Variants in FAM162A observed in about 807,000 individuals in gnomAD.
FAM162A encodes protein FAM162A.
Under a neutral mutation model 21.8 loss-of-function variants are expected in FAM162A, and 23 were observed. That is an observed-to-expected ratio of 1.05 (90% CI 0.76 to 1.49). FAM162A has a LOEUF of 1.49. FAM162A is among the 40% of genes most tolerant of loss of function. FAM162A has a pLI of 0.00. For synonymous variants in FAM162A, 53 were observed against 61.3 expected, an observed-to-expected ratio of 0.86 and a Z score of 0.64; for missense variants, 165 against 186.4, an observed-to-expected ratio of 0.89 and a Z score of 0.67.
At chr3:122,397,212 T>C (rs377053025) in intron 1 of FAM162A, among the ~76,000 whole-genome samples, 1 of 152,290 alleles carries the variant, frequency 6.6e-6, no homozygotes, top group African/African-American at 2.4e-5. Context: ...GATTTTTTTT[T>C]TTAACAGCAA....
chr3:122,406,895 G>A (rs1274173338), intron 3 of FAM162A, among the ~76,000 whole-genome samples: 1 of 152,082 alleles, frequency 6.6e-6, no homozygotes, highest in Non-Finnish European at 1.5e-5. Flanking sequence ...AGAACCTCAG[G>A]GAGAAATGAC....
In FAM162A at chr3:122,409,758, C is replaced by G; in HGVS notation, c.392C>G (p.Thr131Ser). The G allele has an allele frequency of 6.2e-7, 1 of 1,614,040 alleles. No individual in the cohort carries two copies. Among genetic ancestry groups the G allele is most frequent in the Non-Finnish European group, 8.5e-7 (1 of 1,179,968 alleles). Residue 131 changes from threonine (T) to serine (S), a missense_variant, in exon 5 of 5, where the codon ACT becomes AGT. Coordinates refer to ENST00000477892, the MANE Select transcript of FAM162A (RefSeq NM_014367.4). ...CTTTAGGCTGCCCAAAGACACGAGA[C>G]TTTAACAAGCTTGAACTTAGAAAAG... is the stretch of plus-strand genomic sequence containing the variant. ...EGKKAAQRHETLTSLNLEKKA... is the reference protein window; with the variant it reads ...EGKKAAQRHESLTSLNLEKKA...
chr3:122,387,578 T>G (rs1422839396), intron 1 of FAM162A, among the ~76,000 whole-genome samples: 1 of 152,250 alleles, frequency 6.6e-6, no homozygotes, highest in Non-Finnish European at 1.5e-5. Context: ...TCTACCACAT[T>G]CTGCTACCTT....
At chr3:122,404,229 TA>T in intron 2 of FAM162A, 28 bp from the exon 3 acceptor site, 2 of 1,167,574 alleles carry the variant, frequency 1.7e-6, no homozygotes, top group Non-Finnish European at 1.2e-6. Context: ...CTCAAACACA[TA>T]AAATTTCTTG....
At chr3:122,388,817 A>G (rs1394436277) in intron 1 of FAM162A, among the ~76,000 whole-genome samples, 1 of 152,204 alleles carries the variant, frequency 6.6e-6, no homozygotes, top group Non-Finnish European at 1.5e-5. Flanking sequence ...TGGGAGGCCG[A>G]GGTGGGCGGA....
chr3:122,402,948 A>G, intron 2 of FAM162A, 66 bp downstream of exon 2: 4 of 1,500,838 alleles, frequency 2.7e-6, no homozygotes, highest in East Asian at 2.3e-5. Flanking sequence ...CTTGGAATCA[A>G]AAGAACCCAA....
intron 1 of FAM162A, among the ~76,000 whole-genome samples, chr3:122,395,523 A>C (rs1304410836): frequency 2.0e-5 from 3 of 152,222 alleles, no homozygotes; most frequent in Non-Finnish European, 4.4e-5. Context: ...AACACTACTG[A>C]AAGAAATTAA....
rs1219251461 is a variant in FAM162A at position 122,393,878 on chromosome 3, C to T, written c.35-8882C>T. 3.9e-5 allele frequency among the ~76,000 whole-genome samples: 6 copies of T among 152,180 alleles called. No individual in the cohort carries two copies. The East Asian group carries it at 5.8e-4, about 15-fold the overall frequency. On this transcript the variant is annotated intron_variant, in intron 1 of 4. Coordinates refer to ENST00000477892, the MANE Select transcript of FAM162A (RefSeq NM_014367.4). ...TCTCACCTCACATTTAGTCTCTGTC[C>T]GAGCACGAATGGAAGGTGTGTTAGG... is the stretch of plus-strand genomic sequence containing the variant.
At chr3:122,406,183 A>G (rs113958748) in intron 3 of FAM162A, among the ~76,000 whole-genome samples, 100 of 152,338 alleles carry the variant, frequency 6.6e-4, no homozygotes, top group African/African-American at 2.2e-3. Flanking sequence ...TCCTATTTAC[A>G]CATCTACTGA....
chr3:122,393,710 G>A (rs7635930), intron 1 of FAM162A, among the ~76,000 whole-genome samples: 1 of 152,046 alleles, frequency 6.6e-6, no homozygotes, highest in Admixed American at 6.5e-5. Context: ...GACATAACAT[G>A]GAGTGGGTAA....
intron 1 of FAM162A, among the ~76,000 whole-genome samples, chr3:122,393,254 C>T (rs2075611946): frequency 1.3e-5 from 2 of 152,030 alleles, no homozygotes; most frequent in Admixed American, 6.6e-5. Flanking sequence ...TCCATTTTTA[C>T]CCAAAAGCAA....
At chr3:122,401,461 G>A (rs77114108) in intron 1 of FAM162A, 9 of 1,201,050 alleles carry the variant, frequency 7.5e-6, no homozygotes, top group African/African-American at 1.6e-5. Flanking sequence ...TTGAGAGCAC[G>A]TGGGAAAAGA....
At chr3:122,398,439 C>T (rs1376661974) in intron 1 of FAM162A, among the ~76,000 whole-genome samples, 5 of 152,130 alleles carry the variant, frequency 3.3e-5, no homozygotes, top group African/African-American at 1.2e-4. Flanking sequence ...AAGACAGACA[C>T]AATACCACCT....
chr3:122,403,496 T>G (rs1246131547), intron 2 of FAM162A, among the ~76,000 whole-genome samples: 1 of 152,216 alleles, frequency 6.6e-6, no homozygotes, highest in Non-Finnish European at 1.5e-5. Flanking sequence ...GGCCTTCTCC[T>G]TATCACCCTC....
intron 3 of FAM162A, 68 bp downstream of exon 3, chr3:122,404,431 C>CT (rs1226320472): frequency 2.8e-5 from 22 of 778,842 alleles, no homozygotes; most frequent in Non-Finnish European, 4.3e-5. Context: ...AGCAATGCCT[C>CT]TGAGTTCCAA....
chr3:122,393,436 C>G (rs1206723937), intron 1 of FAM162A, among the ~76,000 whole-genome samples: 1 of 152,040 alleles, frequency 6.6e-6, no homozygotes, highest in African/African-American at 2.4e-5. Context: ...CTTTCAGCTT[C>G]ACAATAGTCT....
intron 2 of FAM162A, 119 bp downstream of exon 2, chr3:122,403,001 ACACATTGTGTT>A (rs2075659951): frequency 3.3e-5 from 38 of 1,152,562 alleles, no homozygotes; most frequent in Non-Finnish European, 4.8e-6. Flanking sequence ...TGTAGAGAGA[ACACATTGTGTT>A]CACATTGTGC....
intron 1 of FAM162A, among the ~76,000 whole-genome samples, chr3:122,393,540 A>G (rs1357163321): frequency 2.6e-5 from 4 of 152,176 alleles, no homozygotes; most frequent in Non-Finnish European, 4.4e-5. Flanking sequence ...AGTTTTCCAA[A>G]ACTTCCAGCT....
rs551716848 is a variant in FAM162A, at chr3:122,408,217, C to G, written c.372+828C>G. Among the ~76,000 whole-genome samples the G allele has an allele frequency of 4.6e-5, 7 of 152,324 alleles. No homozygotes were observed. The South Asian group carries it at 1.4e-3, about 32-fold the overall frequency. On this transcript the variant is annotated intron_variant, in intron 4 of 4. Transcript: ENST00000477892. ...CTAAGAGGTAAATAGTTTTCCCAAA[C>G]TCACACAGCTAACAAGTGGCAAGAT...
Sources: gnomAD v4.1 joint callset for allele counts (sites outside exome capture counted in the v4.1 genomes callset) on GRCh38, gnomAD v4.1.1 for gene constraint, MANE v1.5 for transcripts, NCBI Gene and HGNC (gene_info 2026-07-23, HGNC 2026-07-21) for gene names.